Variants in BFSP1 observed in about 807,000 individuals in gnomAD.
BFSP1 encodes the protein filensin.
Under a neutral mutation model 43.9 loss-of-function variants are expected in BFSP1, and 38 were observed. The observed-to-expected ratio is 0.87, with a 90% CI of 0.67 to 1.14. The LOEUF (loss-of-function observed/expected upper bound fraction) is 1.14, where lower values mean the gene tolerates loss of function less well. BFSP1 is among the 50% of genes most tolerant of loss of function. The pLI, the probability that BFSP1 is intolerant of heterozygous loss-of-function variation, is 0.00. For synonymous variants in BFSP1, 352 were observed against 354.8 expected (o/e 0.99, Z 0.09); for missense variants, 850 against 875.1 (o/e 0.97, Z 0.36).
chr20:17,537,985 G>T (rs1241109973), intron 1 of BFSP1, among the ~76,000 whole-genome samples: 1 of 151,440 alleles, frequency 6.6e-6, no homozygotes, highest in Admixed American at 6.6e-5. Flanking sequence ...GCCGGGCATG[G>T]TGGCACATGT....
intron 1 of BFSP1, among the ~76,000 whole-genome samples, chr20:17,527,579 T>A (rs546217249): frequency 6.6e-5 from 10 of 152,046 alleles, no homozygotes; most frequent in African/African-American, 2.4e-4. Flanking sequence ...TACAAAAAAA[T>A]TAGCAGGGTG....
intron 5 of BFSP1, among the ~76,000 whole-genome samples, chr20:17,502,798 C>A (rs1420537432): frequency 6.6e-6 from 1 of 152,176 alleles, no homozygotes; most frequent in Non-Finnish European, 1.5e-5. Context: ...AAATACAAGT[C>A]AGACACACTA....
intron 1 of BFSP1, 24 bp from the exon 2 acceptor site, chr20:17,524,932 G>C (rs756500365): frequency 1.3e-6 from 2 of 1,597,070 alleles, no homozygotes; most frequent in South Asian, 1.1e-5. Flanking sequence ...ACATAAGTGA[G>C]AGTTGGGTAA....
intron 4 of BFSP1, 32 bp downstream of exon 4, chr20:17,511,944 G>A (rs1471647044): frequency 1.3e-6 from 2 of 1,545,220 alleles, no homozygotes; most frequent in East Asian, 4.5e-5. Flanking sequence ...TCCCTCCAGG[G>A]CTGGTTTGCC....
In BFSP1 at chr20:17,531,202, G is replaced by C; in HGVS notation, c.128C>G (p.Ala43Gly). Residue 43 changes from alanine to glycine, a missense_variant, in exon 1 of 8, where the codon GCG (alanine) becomes GGG (glycine). Coordinates refer to ENST00000377873, the MANE Select transcript of BFSP1 (RefSeq NM_001195.5). The stretch of plus-strand genomic sequence containing the variant: ...CACGCGCTCGCCGAGCCCCTGCAGC[G>C]CCGCCAGGCTCGTTGCCCCAGCCCA... ...EGWAGATSLA[A>G]LQGLGERVAA... The C allele has an allele frequency of 6.9e-6, 9 of 1,310,106 alleles. No homozygotes were observed. Among genetic ancestry groups the C allele is most frequent in the Non-Finnish European group, 8.7e-6 (9 of 1,030,842 alleles). 81.2% of individuals were successfully genotyped at this position (1,310,106 alleles called of 1,614,324 possible).
intron 1 of BFSP1, among the ~76,000 whole-genome samples, chr20:17,543,072 T>C (rs767170887): frequency 4.6e-5 from 7 of 152,244 alleles, no homozygotes; most frequent in Non-Finnish European, 7.3e-5. Flanking sequence ...CCTGGAATAA[T>C]GGCTGACCAC....
chr20:17,503,164 C>T (rs1291269517), intron 5 of BFSP1, among the ~76,000 whole-genome samples: 1 of 152,156 alleles, frequency 6.6e-6, no homozygotes, highest in Admixed American at 6.5e-5. Context: ...GCTGAGACCA[C>T]AGGTGAATGC....
intron 1 of BFSP1, among the ~76,000 whole-genome samples, chr20:17,553,252 T>C (rs1424337981): frequency 6.6e-6 from 1 of 152,166 alleles, no homozygotes; most frequent in Non-Finnish European, 1.5e-5. Flanking sequence ...GATTTAGCAA[T>C]GTGACGTTCC....
At chr20:17,524,704 T>C (rs1470242982) in intron 2 of BFSP1, 144 bp downstream of exon 2, 2 of 821,958 alleles carry the variant, frequency 2.4e-6, no homozygotes, top group Admixed American at 4.2e-5. Context: ...CAATTGAAAT[T>C]AACAAGTCAA....
chr20:17,551,871 G>A (rs1028947179), intron 1 of BFSP1, among the ~76,000 whole-genome samples: 2 of 151,990 alleles, frequency 1.3e-5, no homozygotes, highest in Admixed American at 6.6e-5. Flanking sequence ...TGTAATCCCA[G>A]CTATTCAGGA....
upstream of BFSP1, among the ~76,000 whole-genome samples, chr20:17,559,375 A>T (rs1296088335): frequency 6.6e-6 from 1 of 152,206 alleles, no homozygotes; most frequent in South Asian, 2.1e-4. Context: ...AATTGCTAAG[A>T]CTGTGCCAGG....
At chr20:17,545,792 T>C (rs888896357) in intron 1 of BFSP1, among the ~76,000 whole-genome samples, 1 of 152,248 alleles carries the variant, frequency 6.6e-6, no homozygotes, top group African/African-American at 2.4e-5. Flanking sequence ...ATGCCAAAGA[T>C]AGTTTTCTTT....
chr20:17,562,526 CAAAAAAAAAAAAA>C (rs550158623), upstream of BFSP1, among the ~76,000 whole-genome samples: 139 of 48,056 alleles, frequency 2.9e-3, 1 homozygote, highest in South Asian at 0.064. Context: ...GACTCTGTCT[CAAAAAAAAAAAAA>C]AAAAAAAAAA....
chr20:17,541,560 A>T (rs1385854796), intron 1 of BFSP1, among the ~76,000 whole-genome samples: 1 of 152,260 alleles, frequency 6.6e-6, no homozygotes, highest in Non-Finnish European at 1.5e-5. Context: ...CAGCAGAAAG[A>T]CTATAGTTAT....
At chr20:17,508,170 G>A (rs2033985474) in intron 5 of BFSP1, among the ~76,000 whole-genome samples, 1 of 152,160 alleles carries the variant, frequency 6.6e-6, no homozygotes, top group African/African-American at 2.4e-5. Context: ...GCCATACAAA[G>A]GTGCAGTATT....
chr20:17,499,435 T>C (rs1202950671), intron 5 of BFSP1, among the ~76,000 whole-genome samples: 1 of 137,710 alleles, frequency 7.3e-6, no homozygotes. Flanking sequence ...TTGGTAGTGA[T>C]AGGGTCCCAC....
chr20:17,540,116 C>T (rs1038443123), intron 1 of BFSP1, among the ~76,000 whole-genome samples: 1 of 152,038 alleles, frequency 6.6e-6, no homozygotes, highest in African/African-American at 2.4e-5. Context: ...TACAGAAGTT[C>T]GCCATTGTTT....
intron 5 of BFSP1, among the ~76,000 whole-genome samples, chr20:17,503,639 T>C (rs1376009506): frequency 1.3e-5 from 2 of 152,214 alleles, no homozygotes; most frequent in African/African-American, 2.4e-5. Flanking sequence ...CGAATCTACC[T>C]GAACAAGGTC....
chr20:17,512,772 C>T lies in BFSP1; in HGVS notation c.535-704G>A, dbSNP rs562813123. Among the ~76,000 whole-genome samples, 15 of 152,272 alleles carry T rather than the reference C, an allele frequency of 9.9e-5. No homozygotes were observed. In the East Asian group the frequency reaches 2.5e-3, roughly 25 times the overall value. On this transcript the variant is annotated intron_variant, in intron 3 of 7. Coordinates refer to ENST00000377873, the MANE Select transcript of BFSP1 (RefSeq NM_001195.5). ...AGGGCACAAAGGACCCTTTCCAACA[C>T]CAGCAGTGTTTCAAAGAATGGGCTT... is the stretch of plus-strand genomic sequence containing the variant.
Sources: allele counts gnomAD v4.1 joint callset (sites outside exome capture counted in the v4.1 genomes callset), GRCh38; gene constraint gnomAD v4.1.1; transcripts MANE v1.5; gene names NCBI Gene and HGNC (gene_info 2026-07-23, HGNC 2026-07-21).